Variants in TRAPPC9 observed in about 807,000 individuals in gnomAD.
TRAPPC9 encodes IKK2 binding protein.
TRAPPC9 carries 83 observed loss-of-function variants against 124.0 expected under a neutral mutation model. That is an observed-to-expected ratio of 0.67 (90% CI 0.56 to 0.80). TRAPPC9 has a LOEUF of 0.80. Among genes scored for constraint, TRAPPC9 ranks in the 30% least tolerant of loss-of-function variants. The pLI is 0.00. For synonymous variants in TRAPPC9, 638 were observed against 617.5 expected (o/e 1.03, Z -0.49); for missense variants, 1,302 against 1,508.3 (o/e 0.86, Z 2.27).
intron 17 of TRAPPC9, among the ~76,000 whole-genome samples, chr8:140,166,603 G>A (rs1218276004): frequency 6.6e-6 from 1 of 152,168 alleles, no homozygotes; most frequent in Non-Finnish European, 1.5e-5. Context: ...GACATCTCAG[G>A]GTCTGGCAAC....
At chr8:139,757,649 G>A (rs1297614542) in intron 21 of TRAPPC9, among the ~76,000 whole-genome samples, 2 of 152,048 alleles carry the variant, frequency 1.3e-5, no homozygotes, top group African/African-American at 2.4e-5. Flanking sequence ...GCCTGTCAGT[G>A]CCATCTAGAG....
chr8:139,811,697 C>A (rs936548326), intron 21 of TRAPPC9, among the ~76,000 whole-genome samples: 1 of 152,176 alleles, frequency 6.6e-6, no homozygotes, highest in African/African-American at 2.4e-5. Flanking sequence ...GAGAGCAACA[C>A]CTTCACAATT....
chr8:140,024,648 C>T (rs1347951819), intron 17 of TRAPPC9, among the ~76,000 whole-genome samples: 1 of 152,114 alleles, frequency 6.6e-6, no homozygotes, highest in Non-Finnish European at 1.5e-5. Context: ...CCACCCGCCT[C>T]GGCCTCCCAA....
intron 21 of TRAPPC9, among the ~76,000 whole-genome samples, chr8:139,758,162 C>T (rs1015444178): frequency 6.6e-6 from 1 of 152,228 alleles, no homozygotes; most frequent in Non-Finnish European, 1.5e-5. Context: ...GCCTGGGAAG[C>T]CAGTGTCACC....
intron 7 of TRAPPC9, among the ~76,000 whole-genome samples, chr8:140,377,822 C>T (rs73713114): frequency 0.036 from 5,453 of 152,098 alleles, 212 homozygotes; most frequent in African/African-American, 0.097. Flanking sequence ...TAGATGGACA[C>T]GGTGGTGCAC....
At chr8:140,030,362 G>A (rs1404947720) in intron 17 of TRAPPC9, among the ~76,000 whole-genome samples, 2 of 152,176 alleles carry the variant, frequency 1.3e-5, no homozygotes, top group Non-Finnish European at 2.9e-5. Flanking sequence ...ACATAATCAT[G>A]TACCAAAAAC....
chr8:140,377,910 C>T (rs930727102), intron 7 of TRAPPC9, among the ~76,000 whole-genome samples: 5 of 151,464 alleles, frequency 3.3e-5, no homozygotes, highest in Non-Finnish European at 5.9e-5. Flanking sequence ...CAGTGAGCCA[C>T]GATCACGCCA....
intron 2 of TRAPPC9, among the ~76,000 whole-genome samples, chr8:140,440,668 AGT>A (rs1482341587): frequency 6.6e-6 from 1 of 151,996 alleles, no homozygotes; most frequent in Non-Finnish European, 1.5e-5. Flanking sequence ...AGCACAAATC[AGT>A]CTGTGTCCCT....
chr8:140,092,727 A>G (rs1304929370), intron 17 of TRAPPC9, among the ~76,000 whole-genome samples: 1 of 152,186 alleles, frequency 6.6e-6, no homozygotes, highest in Non-Finnish European at 1.5e-5. Context: ...AAAACATCTC[A>G]CTACGTGATC....
chr8:140,152,562 G>A (rs2061563954), intron 17 of TRAPPC9, among the ~76,000 whole-genome samples: 1 of 151,284 alleles, frequency 6.6e-6, no homozygotes, highest in Admixed American at 6.6e-5. Flanking sequence ...TAGAGACGGG[G>A]TTTCACCATG....
At chr8:140,340,859 T>C (rs1276659044) in intron 9 of TRAPPC9, among the ~76,000 whole-genome samples, 3 of 152,220 alleles carry the variant, frequency 2.0e-5, no homozygotes, top group Admixed American at 6.5e-5. Flanking sequence ...GTGAGACTCT[T>C]TAAGAGCAGC....
intron 17 of TRAPPC9, among the ~76,000 whole-genome samples, chr8:140,109,020 T>G (rs569017047): frequency 6.6e-6 from 1 of 152,344 alleles, no homozygotes; most frequent in South Asian, 2.1e-4. Flanking sequence ...AGGTAATTTA[T>G]AACTACCCAA....
intron 19 of TRAPPC9, among the ~76,000 whole-genome samples, chr8:139,943,916 G>A (rs1336033010): frequency 6.6e-6 from 1 of 152,130 alleles, no homozygotes; most frequent in African/African-American, 2.4e-5. Flanking sequence ...CAGAGCTTCA[G>A]GGACCTGTGG....
At chr8:140,272,396 GCGA>G (rs1563904559) in intron 15 of TRAPPC9, among the ~76,000 whole-genome samples, 6 of 145,076 alleles carry the variant, frequency 4.1e-5, no homozygotes, top group Non-Finnish European at 7.6e-5. Context: ...GGTGATGGTG[GCGA>G]TGGTGATAAT....
chr8:139,800,580 C>T (rs533092019), intron 21 of TRAPPC9, among the ~76,000 whole-genome samples: 2 of 152,336 alleles, frequency 1.3e-5, no homozygotes, highest in South Asian at 4.1e-4. Context: ...CAGCTGTTCC[C>T]GAGGCGGCCA....
intron 7 of TRAPPC9, among the ~76,000 whole-genome samples, chr8:140,378,704 AACGTGTC>A (rs1206107181): frequency 2.6e-5 from 4 of 152,148 alleles, no homozygotes; most frequent in Admixed American, 6.5e-5. Flanking sequence ...TCTTTTGCTA[AACGTGTC>A]GTTTAGGGGA....
chr8:139,746,817 T>G lies in TRAPPC9; in HGVS notation c.3056-14615A>C, dbSNP rs1382040768. Among the ~76,000 whole-genome samples the G allele has an allele frequency of 2.6e-5, 4 of 152,220 alleles. No individual in the cohort carries two copies. In the East Asian group the frequency reaches 7.7e-4, roughly 29 times the overall value. ...TGCGCTGCTGTGCCCACGGCCACAT[T>G]GGGCATCCATGGCAGACAGGCACTG... On this transcript the variant is annotated intron_variant, in intron 21 of 22. Coordinates refer to ENST00000438773, the MANE Select transcript of TRAPPC9 (RefSeq NM_001160372.4).
chr8:140,079,410 A>G (rs933643377), intron 17 of TRAPPC9, among the ~76,000 whole-genome samples: 3 of 152,080 alleles, frequency 2.0e-5, no homozygotes, highest in African/African-American at 7.2e-5. Flanking sequence ...CCTTAACTTG[A>G]TGAGGCCCCA....
chr8:140,224,526 T>A (rs113711440), intron 16 of TRAPPC9, among the ~76,000 whole-genome samples: 2,681 of 152,254 alleles, frequency 0.018, 70 homozygotes, highest in African/African-American at 0.061. Context: ...ATAGCAAATC[T>A]GGGAAGCTTC....
Sources: allele counts gnomAD v4.1 joint callset (sites outside exome capture counted in the v4.1 genomes callset), GRCh38; gene constraint gnomAD v4.1.1; transcripts MANE v1.5; gene names NCBI Gene and HGNC (gene_info 2026-07-23, HGNC 2026-07-21).